UBE2E2: variants seen among roughly 807,000 people sequenced by gnomAD.
UBE2E2 encodes the protein ubiquitin-conjugating enzyme E2 E2.
A neutral mutation model predicts 24.7 loss-of-function variants in UBE2E2; 6 were observed. The observed-to-expected ratio is 0.24, with a 90% CI of 0.13 to 0.48. The LOEUF (loss-of-function observed/expected upper bound fraction) is 0.48, where lower values mean the gene tolerates loss of function less well. UBE2E2 is among the 20% of genes least tolerant of loss of function. The pLI, the probability that UBE2E2 is intolerant of heterozygous loss-of-function variation, is 0.99. For missense variants in UBE2E2, 169 were observed against 245.0 expected (o/e 0.69, Z 2.07); for synonymous variants, 104 against 83.6 (o/e 1.24, Z -1.33).
In UBE2E2 at chr3:23,411,994, A is replaced by T. The variant is rs146504300; in HGVS notation, c.228-87614A>T. On this transcript the variant is annotated intron_variant, in intron 3 of 5. Transcript: ENST00000396703. ...ATAAGTGTAGAGAGAAGTAGAGTTAATTGCATACTGACTGGTCATAAAATT... is the reference window on the plus strand; with the variant it reads ...ATAAGTGTAGAGAGAAGTAGAGTTATTTGCATACTGACTGGTCATAAAATT... Among the ~76,000 whole-genome samples, 360 of 152,278 alleles carry T rather than the reference A, an allele frequency of 2.4e-3. 3 individuals carry two copies. The highest frequency in any genetic ancestry group is 8.3e-3 in the African/African-American group (344 of 41,562).
At chr3:23,295,462 TTAA>T (rs1698884205) in intron 3 of UBE2E2, among the ~76,000 whole-genome samples, 1 of 152,136 alleles carries the variant, frequency 6.6e-6, no homozygotes, top group Non-Finnish European at 1.5e-5. Context: ...GGGTACACAA[TTAA>T]TAAGAGAACA....
intron 3 of UBE2E2, among the ~76,000 whole-genome samples, chr3:23,295,834 A>G (rs186392735): frequency 1.6e-4 from 25 of 152,280 alleles, no homozygotes; most frequent in African/African-American, 6.0e-4. Flanking sequence ...GGTAATTTGT[A>G]TATATATTGT....
At chr3:23,535,618 CTTTTTTTTTTTT>C (rs67901258) in intron 5 of UBE2E2, among the ~76,000 whole-genome samples, 7 of 86,022 alleles carry the variant, frequency 8.1e-5, no homozygotes, top group Admixed American at 5.7e-4. Context: ...ATAGAGCATT[CTTTTTTTTTTTT>C]TTTTTTTTTT....
intron 3 of UBE2E2, among the ~76,000 whole-genome samples, chr3:23,305,271 T>G (rs1357592079): frequency 6.6e-6 from 1 of 152,262 alleles, no homozygotes; most frequent in Non-Finnish European, 1.5e-5. Flanking sequence ...TAATTCAGCT[T>G]GCAGCTTTAA....
At chr3:23,496,671 A>T (rs750715490) in intron 3 of UBE2E2, among the ~76,000 whole-genome samples, 4 of 152,084 alleles carry the variant, frequency 2.6e-5, no homozygotes, top group Non-Finnish European at 5.9e-5. Context: ...GTCAGTAGCC[A>T]TTTGTGTTGT....
intron 3 of UBE2E2, among the ~76,000 whole-genome samples, chr3:23,321,372 A>G (rs775744055): frequency 3.7e-4 from 57 of 152,002 alleles, no homozygotes; most frequent in Admixed American, 2.0e-3. Flanking sequence ...GTTTGTGAAG[A>G]CGATAGAAAC....
chr3:23,230,702 C>G (rs1696951281), intron 3 of UBE2E2, among the ~76,000 whole-genome samples: 1 of 151,478 alleles, frequency 6.6e-6, no homozygotes. Context: ...AGGAGAATCA[C>G]TTGAACCTGG....
intron 3 of UBE2E2, among the ~76,000 whole-genome samples, chr3:23,451,390 G>A (rs995145953): frequency 1.6e-4 from 25 of 152,106 alleles, no homozygotes; most frequent in African/African-American, 6.0e-4. Flanking sequence ...AACATCCTGA[G>A]CAATACTTAT....
chr3:23,244,927 A>G (rs753937594), intron 3 of UBE2E2, among the ~76,000 whole-genome samples: 1 of 152,206 alleles, frequency 6.6e-6, no homozygotes, highest in African/African-American at 2.4e-5. Context: ...TTATTTAATT[A>G]TAGAATAAAA....
intron 3 of UBE2E2, among the ~76,000 whole-genome samples, chr3:23,406,256 A>T (rs1697354371): frequency 6.6e-6 from 1 of 152,004 alleles, no homozygotes; most frequent in Non-Finnish European, 1.5e-5. Flanking sequence ...TCCTTTTCTG[A>T]TTCTCTTTTT....
At chr3:23,281,067 G>T (rs1186251171) in intron 3 of UBE2E2, among the ~76,000 whole-genome samples, 1 of 152,000 alleles carries the variant, frequency 6.6e-6, no homozygotes, top group African/African-American at 2.4e-5. Flanking sequence ...CCATCGTCAG[G>T]GACCCACCCT....
At chr3:23,545,337 G>T (rs963153931) in intron 5 of UBE2E2, among the ~76,000 whole-genome samples, 3 of 152,068 alleles carry the variant, frequency 2.0e-5, no homozygotes, top group Admixed American at 6.6e-5. Flanking sequence ...GTGGCCTTCC[G>T]CAGTGTTTGT....
chr3:23,400,486 T>A (rs9822891), intron 3 of UBE2E2, among the ~76,000 whole-genome samples: 1 of 151,990 alleles, frequency 6.6e-6, no homozygotes, highest in Admixed American at 6.6e-5. Context: ...ATTTAATGTA[T>A]TGATGAGGAA....
rs182416126 is a variant in UBE2E2 at position 23,316,792 on chromosome 3, G to T, written c.227+99480G>T. Among the ~76,000 whole-genome samples the T allele has an allele frequency of 2.5e-3, 378 of 152,170 alleles. 2 individuals carry two copies. Among genetic ancestry groups the T allele is most frequent in the Non-Finnish European group, 3.8e-3 (256 of 68,000 alleles). On this transcript the variant is annotated intron_variant, in intron 3 of 5. Transcript: ENST00000396703. ...TGGCTACTGCTGCTGATCATTTAGG[G>T]CCTAAGCGCTCTTAAGTCAGCAGGT...
intron 3 of UBE2E2, among the ~76,000 whole-genome samples, chr3:23,293,273 G>A (rs961832679): frequency 2.0e-5 from 3 of 152,174 alleles, no homozygotes; most frequent in African/African-American, 4.8e-5. Flanking sequence ...TGTGTTTGGC[G>A]AACTTCCCAG....
intron 3 of UBE2E2, among the ~76,000 whole-genome samples, chr3:23,370,066 G>A (rs575343709): frequency 6.6e-5 from 10 of 152,232 alleles, no homozygotes; most frequent in Non-Finnish European, 1.3e-4. Context: ...CTATATCAAC[G>A]CAGTCACCAG....
chr3:23,250,814 C>T (rs1575503917), intron 3 of UBE2E2, among the ~76,000 whole-genome samples: 1 of 152,224 alleles, frequency 6.6e-6, no homozygotes, highest in South Asian at 2.1e-4. Context: ...ACTTTATTAG[C>T]CTAGGCTTCT....
chr3:23,528,819 C>T (rs1695057952), intron 4 of UBE2E2, among the ~76,000 whole-genome samples: 1 of 152,174 alleles, frequency 6.6e-6, no homozygotes, highest in African/African-American at 2.4e-5. Flanking sequence ...CCCCTCCTGT[C>T]TGTTCATATC....
In UBE2E2 at chr3:23,548,206, A is replaced by C. The variant is rs1498813; in HGVS notation, c.508+15505A>C. Among the ~76,000 whole-genome samples the C allele has an allele frequency of 6.9e-3, 1,050 of 152,316 alleles. 11 individuals carry two copies. Among genetic ancestry groups the C allele is most frequent in the African/African-American group, 0.024 (990 of 41,580 alleles). The stretch of plus-strand genomic sequence containing the variant: ...AAATGAATCACGTCAGAGGTTACAG[A>C]AATTATAACCTACACCATCTTTCAC... On this transcript the variant is annotated intron_variant, in intron 5 of 5. Coordinates refer to ENST00000396703, the MANE Select transcript of UBE2E2 (RefSeq NM_152653.4).
Sources: gnomAD v4.1 joint callset for allele counts (sites outside exome capture counted in the v4.1 genomes callset) on GRCh38, gnomAD v4.1.1 for gene constraint, MANE v1.5 for transcripts, NCBI Gene and HGNC (gene_info 2026-07-23, HGNC 2026-07-21) for gene names.